The following FBXL17 variants were observed in gnomAD, a reference collection of about 807,000 sequenced individuals.
FBXL17 encodes the protein F-box and leucine rich repeat protein 17.
In FBXL17, 22 loss-of-function variants were observed where a neutral mutation model predicts 66.2. The observed-to-expected ratio is 0.33, with a 90% CI of 0.24 to 0.47. FBXL17 has a LOEUF of 0.47. FBXL17 is among the 20% of genes least tolerant of loss of function. The pLI is 1.00. For synonymous variants in FBXL17, 474 were observed against 400.5 expected (o/e 1.18, Z -2.19); for missense variants, 878 against 948.2 (o/e 0.93, Z 0.97).
chr5:108,060,650 A>C (rs960170391), intron 6 of FBXL17, among the ~76,000 whole-genome samples: 2 of 152,092 alleles, frequency 1.3e-5, no homozygotes, highest in Non-Finnish European at 2.9e-5. Flanking sequence ...AGTATATTTA[A>C]ATCTCTCAGT....
chr5:107,960,751 C>A (rs1751869253), intron 7 of FBXL17, among the ~76,000 whole-genome samples: 1 of 152,130 alleles, frequency 6.6e-6, no homozygotes, highest in Admixed American at 6.5e-5. Context: ...ACTACTACTA[C>A]AACTGAAAAA....
chr5:108,322,570 T>C (rs537992584), intron 4 of FBXL17, among the ~76,000 whole-genome samples: 27 of 152,074 alleles, frequency 1.8e-4, no homozygotes, highest in African/African-American at 6.3e-4. Context: ...GTGGAGAAGA[T>C]GGTGATTGAT....
intron 4 of FBXL17, among the ~76,000 whole-genome samples, chr5:108,312,099 A>G (rs1489678795): frequency 1.3e-5 from 2 of 152,134 alleles, no homozygotes; most frequent in Non-Finnish European, 2.9e-5. Flanking sequence ...TTCTATAAAA[A>G]CATTCTTATA....
At chr5:108,306,172 T>C (rs1758830764) in intron 4 of FBXL17, among the ~76,000 whole-genome samples, 1 of 152,104 alleles carries the variant, frequency 6.6e-6, no homozygotes, top group African/African-American at 2.4e-5. Flanking sequence ...AAAAAACATA[T>C]GTGTACTTAC....
At chr5:108,063,067 T>A (rs1318332405) in intron 6 of FBXL17, among the ~76,000 whole-genome samples, 1 of 152,210 alleles carries the variant, frequency 6.6e-6, no homozygotes, top group Non-Finnish European at 1.5e-5. Context: ...CAATATTATA[T>A]CATGCTCTTT....
chr5:107,905,828 T>A (rs1223317887), intron 7 of FBXL17, among the ~76,000 whole-genome samples: 2 of 152,192 alleles, frequency 1.3e-5, no homozygotes, highest in East Asian at 1.9e-4. Context: ...ATTCTATATG[T>A]TTCACATTTT....
intron 6 of FBXL17, among the ~76,000 whole-genome samples, chr5:108,061,053 A>G: frequency 6.6e-6 from 1 of 151,994 alleles, no homozygotes; most frequent in East Asian, 1.9e-4. Context: ...TTGGGAGGGC[A>G]AAGTGGGCAG....
intron 6 of FBXL17, among the ~76,000 whole-genome samples, chr5:108,163,796 T>G (rs1473684000): frequency 6.6e-6 from 1 of 152,222 alleles, no homozygotes; most frequent in African/African-American, 2.4e-5. Context: ...TGCAAAATTA[T>G]ATGTTAGAGG....
intron 7 of FBXL17, among the ~76,000 whole-genome samples, chr5:107,959,993 G>T (rs1332586072): frequency 6.6e-6 from 1 of 152,134 alleles, no homozygotes; most frequent in Non-Finnish European, 1.5e-5. Flanking sequence ...ACGTGACACA[G>T]AAGTCCCAGG....
intron 7 of FBXL17, among the ~76,000 whole-genome samples, chr5:108,020,320 T>G (rs555429498): frequency 4.8e-4 from 73 of 152,108 alleles, no homozygotes; most frequent in African/African-American, 1.7e-3. Flanking sequence ...AGGTTATTTT[T>G]CTTTATTACT....
At chr5:107,992,073 C>T (rs1250724203) in intron 7 of FBXL17, among the ~76,000 whole-genome samples, 4 of 144,956 alleles carry the variant, frequency 2.8e-5, no homozygotes, top group Non-Finnish European at 6.0e-5. Flanking sequence ...TACATGCACA[C>T]ACATATCATA....
intron 7 of FBXL17, among the ~76,000 whole-genome samples, chr5:107,985,124 T>C (rs1293931685): frequency 6.6e-6 from 1 of 152,226 alleles, no homozygotes; most frequent in Non-Finnish European, 1.5e-5. Flanking sequence ...AGGAACTGAC[T>C]GGAGGGAAAA....
intron 4 of FBXL17, among the ~76,000 whole-genome samples, chr5:108,263,333 T>C (rs1047761527): frequency 3.3e-5 from 5 of 152,122 alleles, no homozygotes; most frequent in African/African-American, 1.2e-4. Flanking sequence ...AAAAAAACTA[T>C]CATTATTTTT....
At chr5:107,894,452 C>A (rs1749306778) in intron 7 of FBXL17, among the ~76,000 whole-genome samples, 2 of 152,126 alleles carry the variant, frequency 1.3e-5, no homozygotes, top group South Asian at 4.1e-4. Flanking sequence ...TGCCTGACAT[C>A]AATTCTCATT....
chr5:108,311,086 C>A (rs1409753807), intron 4 of FBXL17, among the ~76,000 whole-genome samples: 1 of 152,178 alleles, frequency 6.6e-6, no homozygotes, highest in Non-Finnish European at 1.5e-5. Flanking sequence ...GTAAGTGTCA[C>A]TGAAATCACT....
intron 7 of FBXL17, among the ~76,000 whole-genome samples, chr5:107,967,820 C>G (rs1237689779): frequency 6.6e-6 from 1 of 151,918 alleles, no homozygotes; most frequent in African/African-American, 2.4e-5. Flanking sequence ...TTGGATGCAG[C>G]TTTTTATGTT....
At position 108,381,855 on chromosome 5, in the gene FBXL17, G is replaced by A. The variant is rs1749987519; in HGVS notation, c.-164C>T. 7.7e-7 allele frequency: 1 copy of A among 1,295,974 alleles called. No homozygotes were observed. The highest frequency in any genetic ancestry group is 9.8e-7 in the Non-Finnish European group (1 of 1,022,432). 80.3% of individuals were successfully genotyped at this position (1,295,974 alleles called of 1,614,324 possible). ...GCACACACGCGACGGTGGGGGGTGG[G>A]CGTCAGCTGCGGGCCGCCGGAGTGC... On this transcript the variant is annotated 5_prime_UTR_variant, in exon 1 of 9. Transcript: ENST00000542267.
At chr5:108,280,562 G>A (rs914093920) in intron 4 of FBXL17, among the ~76,000 whole-genome samples, 4 of 151,690 alleles carry the variant, frequency 2.6e-5, no homozygotes, top group Admixed American at 2.0e-4. Context: ...GGAAAGAAAT[G>A]TCACCAAAAC....
At chr5:108,325,613 T>C (rs377188302) in intron 4 of FBXL17, among the ~76,000 whole-genome samples, 2 of 152,128 alleles carry the variant, frequency 1.3e-5, no homozygotes, top group African/African-American at 4.8e-5. Context: ...TCACCATCTA[T>C]AATAGAGCTT....
Sources: allele counts gnomAD v4.1 joint callset (sites outside exome capture counted in the v4.1 genomes callset), GRCh38; gene constraint gnomAD v4.1.1; transcripts MANE v1.5; gene names NCBI Gene and HGNC (gene_info 2026-07-23, HGNC 2026-07-21).